Variants in UPP2 observed in about 807,000 individuals in gnomAD.
UPP2 encodes uridine phosphorylase 2, also known as UPase 2.
Under a neutral mutation model 26.7 loss-of-function variants are expected in UPP2, and 23 were observed. The observed-to-expected ratio is 0.86, with a 90% CI of 0.62 to 1.22. The LOEUF (loss-of-function observed/expected upper bound fraction) is 1.22. Among genes scored for constraint, UPP2 ranks in the 50% most tolerant of loss-of-function variants. The pLI, the probability that UPP2 is intolerant of heterozygous loss-of-function variation, is 0.00. For missense variants in UPP2, 387 were observed against 396.7 expected, an observed-to-expected ratio of 0.98 and a Z score of 0.21; for synonymous variants, 127 against 141.3, an observed-to-expected ratio of 0.90 and a Z score of 0.72.
intron 3 of UPP2, among the ~76,000 whole-genome samples, chr2:158,033,508 G>GAGCCAGCC (rs368804329): frequency 1.3e-5 from 2 of 152,162 alleles, no homozygotes; most frequent in African/African-American, 4.8e-5. Flanking sequence ...AGCTTGAGGG[G>GAGCCAGCC]AGCCAGCCAG....
chr2:158,061,931 T>G (rs1682358601), intron 3 of UPP2, among the ~76,000 whole-genome samples: 2 of 152,242 alleles, frequency 1.3e-5, no homozygotes, highest in African/African-American at 4.8e-5. Flanking sequence ...TGGGAACTTT[T>G]GGCTCCTCTA....
At chr2:158,134,578 C>T (rs190182511) in intron 6 of UPP2, among the ~76,000 whole-genome samples, 170 bp from the exon 7 acceptor site, 25 of 152,182 alleles carry the variant, frequency 1.6e-4, no homozygotes, top group African/African-American at 5.8e-4. Context: ...TGGTGGGATT[C>T]CACAAAAATA....
chr2:158,085,888 T>C (rs1187339914), intron 3 of UPP2, among the ~76,000 whole-genome samples: 1 of 152,140 alleles, frequency 6.6e-6, no homozygotes, highest in East Asian at 1.9e-4. Context: ...TGATATGCTG[T>C]TAGATTCAGT....
At chr2:158,020,811 G>A (rs991921388) in intron 3 of UPP2, among the ~76,000 whole-genome samples, 2 of 152,210 alleles carry the variant, frequency 1.3e-5, no homozygotes, top group Non-Finnish European at 2.9e-5. Flanking sequence ...AAGTGGAGCA[G>A]CTTAGTGTAA....
At chr2:158,027,699 T>C (rs1452923140) in intron 3 of UPP2, among the ~76,000 whole-genome samples, 3 of 152,204 alleles carry the variant, frequency 2.0e-5, no homozygotes, top group African/African-American at 7.2e-5. Context: ...ATTTCCCTTC[T>C]GCACTGACCT....
intron 3 of UPP2, among the ~76,000 whole-genome samples, chr2:158,089,805 G>T (rs891313227): frequency 3.9e-5 from 6 of 152,178 alleles, no homozygotes; most frequent in Non-Finnish European, 8.8e-5. Context: ...GTATATGTTT[G>T]GGGGCAGAAT....
At position 158,052,106 on chromosome 2, in the gene UPP2, T is replaced by C. The variant is rs117298833; in HGVS notation, c.147+36220T>C. Among the ~76,000 whole-genome samples, 34 of 152,332 alleles carry C rather than the reference T, an allele frequency of 2.2e-4. No individual in the cohort carries two copies. The East Asian group carries it at 6.6e-3, about 29-fold the overall frequency. On this transcript the variant is annotated intron_variant, in intron 3 of 9. Coordinates refer to the UPP2 transcript ENST00000605860. ...AACACCCTTCATATGTCCCAAATAT[T>C]ATGTGGGACATACTTAGACTAAAAA...
chr2:158,088,978 G>A (rs1430989455), intron 3 of UPP2, among the ~76,000 whole-genome samples: 2 of 152,202 alleles, frequency 1.3e-5, no homozygotes, highest in South Asian at 4.1e-4. Context: ...AGGGGGTGGT[G>A]CTTTCAAGAG....
chr2:158,069,420 T>A (rs1005592105), intron 3 of UPP2, among the ~76,000 whole-genome samples: 5 of 152,226 alleles, frequency 3.3e-5, no homozygotes, highest in African/African-American at 1.2e-4. Flanking sequence ...GGCAGGCTCC[T>A]GCAGTGTGGG....
At chr2:158,020,519 G>C (rs1285999203) in intron 3 of UPP2, among the ~76,000 whole-genome samples, 1 of 152,152 alleles carries the variant, frequency 6.6e-6, no homozygotes, top group African/African-American at 2.4e-5. Context: ...TAGTTCCCCA[G>C]GATGCTCCCA....
chr2:158,074,968 G>A (rs970332228), intron 3 of UPP2, among the ~76,000 whole-genome samples: 2 of 151,792 alleles, frequency 1.3e-5, no homozygotes, highest in African/African-American at 4.8e-5. Context: ...AAGAGCAGGA[G>A]TGGCAATACT....
intron 3 of UPP2, among the ~76,000 whole-genome samples, chr2:158,082,812 T>C (rs2105195927): frequency 6.6e-6 from 1 of 152,324 alleles, no homozygotes; most frequent in South Asian, 2.1e-4. Flanking sequence ...TCTACTCATC[T>C]GACAAAGGGC....
chr2:158,045,162 G>A (rs777399292), intron 3 of UPP2, among the ~76,000 whole-genome samples: 4 of 152,102 alleles, frequency 2.6e-5, no homozygotes, highest in Non-Finnish European at 5.9e-5. Flanking sequence ...TAGATGACAG[G>A]AGGAATTTTC....
intron 3 of UPP2, among the ~76,000 whole-genome samples, chr2:158,034,660 A>G (rs1683973627): frequency 6.6e-6 from 1 of 152,228 alleles, no homozygotes; most frequent in Non-Finnish European, 1.5e-5. Context: ...AGTCTGTCCT[A>G]TAAATCTGGA....
In UPP2 at chr2:158,024,334, C is replaced by T. The variant is rs543923577; in HGVS notation, c.147+8448C>T. 2.0e-5 allele frequency among the ~76,000 whole-genome samples: 3 copies of T among 152,306 alleles called. No individual in the cohort carries two copies. The South Asian group carries it at 6.2e-4, about 32-fold the overall frequency. ...CCATTTAGAATAGCTTTCTTGCCCC[C>T]AAACTGCCAGGATATCACTACAAGT... On this transcript the variant is annotated intron_variant, in intron 3 of 9. Coordinates refer to the UPP2 transcript ENST00000605860.
intron 3 of UPP2, among the ~76,000 whole-genome samples, chr2:158,061,611 G>C (rs2105179247): frequency 6.6e-6 from 1 of 152,282 alleles, no homozygotes; most frequent in South Asian, 2.1e-4. Context: ...GGTGGGACTG[G>C]CACAGGGGGC....
intron 3 of UPP2, among the ~76,000 whole-genome samples, chr2:158,076,333 T>C (rs992888395): frequency 3.9e-5 from 6 of 152,026 alleles, no homozygotes; most frequent in Non-Finnish European, 8.8e-5. Context: ...AGGCCACTAT[T>C]ACCCTCATAC....
intron 2 of UPP2, among the ~76,000 whole-genome samples, chr2:158,011,473 GT>G (rs1683578307): frequency 6.6e-6 from 1 of 151,872 alleles, no homozygotes. Context: ...TTCCCATAAA[GT>G]TTTGAAAAAA....
chr2:158,071,717 C>T (rs1682544191), intron 3 of UPP2, among the ~76,000 whole-genome samples: 1 of 152,092 alleles, frequency 6.6e-6, no homozygotes, highest in Admixed American at 6.5e-5. Context: ...TTTCTATATA[C>T]ACCCTGGACT....
Sources: allele counts gnomAD v4.1 joint callset (sites outside exome capture counted in the v4.1 genomes callset), GRCh38; gene constraint gnomAD v4.1.1; transcripts MANE v1.5; gene names NCBI Gene and HGNC (gene_info 2026-07-23, HGNC 2026-07-21).